Variants in FBXO10 observed in about 807,000 individuals in gnomAD.
FBXO10 encodes the protein F-box only protein 10.
A neutral mutation model predicts 80.7 loss-of-function variants in FBXO10; 39 were observed. The ratio of observed to expected loss-of-function variants is 0.48; its 90% confidence interval spans 0.37 to 0.63. FBXO10 has a LOEUF of 0.63. Ranked by LOEUF, FBXO10 falls within the 30% of genes least tolerant of loss-of-function variation. The pLI, the probability that FBXO10 is intolerant of heterozygous loss-of-function variation, is 0.00. For missense variants in FBXO10, 1,025 were observed against 1,269.0 expected, an observed-to-expected ratio of 0.81 and a Z score of 2.92; for synonymous variants, 449 against 489.6, an observed-to-expected ratio of 0.92 and a Z score of 1.09.
At chr9:37,534,823 ACT>A (rs2098003406) in intron 3 of FBXO10, among the ~76,000 whole-genome samples, 2 of 151,934 alleles carry the variant, frequency 1.3e-5, no homozygotes, top group Admixed American at 1.3e-4. Flanking sequence ...GCGGGAAAAC[ACT>A]CTTATCTCTG....
chr9:37,547,763 C>G (rs1822093381), intron 1 of FBXO10, among the ~76,000 whole-genome samples: 1 of 152,028 alleles, frequency 6.6e-6, no homozygotes, highest in Non-Finnish European at 1.5e-5. Flanking sequence ...CGAGATCAGC[C>G]TGGACAACAT....
At chr9:37,564,390 T>C (rs1822555742) in intron 1 of FBXO10, among the ~76,000 whole-genome samples, 1 of 152,304 alleles carries the variant, frequency 6.6e-6, no homozygotes, top group Admixed American at 6.5e-5. Flanking sequence ...ACGGGGGCAC[T>C]GCCCAGTGGA....
intron 1 of FBXO10, among the ~76,000 whole-genome samples, chr9:37,550,076 C>T (rs1822152384): frequency 6.6e-6 from 1 of 151,614 alleles, no homozygotes; most frequent in Admixed American, 6.6e-5. Flanking sequence ...TCTATTCATC[C>T]ACTATTTGGT....
intron 5 of FBXO10, 86 bp from the exon 6 acceptor site, chr9:37,525,258 C>A (rs1821440475): frequency 2.3e-6 from 3 of 1,284,640 alleles, no homozygotes; most frequent in African/African-American, 1.5e-5. Context: ...TCATGGAAAC[C>A]CTGTCTCTAC....
In FBXO10 at chr9:37,521,854, G is replaced by A. The variant is rs1192560021; in HGVS notation, c.1931-16C>T. 3 of 1,553,920 alleles carry A rather than the reference G, an allele frequency of 1.9e-6. No homozygotes were observed. The highest frequency in any genetic ancestry group is 1.2e-5 in the South Asian group (1 of 83,650). ...CCCTTGTTAGCTGGGACAGTGAGAG[G>A]AGCTGGTCACCGACACTGAACTCAG... On this transcript the variant is annotated splice_polypyrimidine_tract_variant and intron_variant, in intron 7 of 10. Transcript: ENST00000432825.
intron 1 of FBXO10, among the ~76,000 whole-genome samples, chr9:37,569,201 G>GAA: frequency 6.8e-6 from 1 of 148,076 alleles, no homozygotes; most frequent in East Asian, 2.0e-4. Flanking sequence ...GCAACTAATG[G>GAA]AAAAAAAATA....
At chr9:37,533,732 C>T (rs1311993788) in intron 3 of FBXO10, among the ~76,000 whole-genome samples, 5 of 151,584 alleles carry the variant, frequency 3.3e-5, no homozygotes, top group Non-Finnish European at 5.9e-5. Flanking sequence ...ATTAGCTGGG[C>T]GTGGTGGCTC....
At chr9:37,551,520 G>C (rs1415047626) in intron 1 of FBXO10, among the ~76,000 whole-genome samples, 3 of 152,244 alleles carry the variant, frequency 2.0e-5, no homozygotes, top group Non-Finnish European at 4.4e-5. Context: ...GACTGCTTGT[G>C]CCCTGGGTTC....
Position 37,529,120 on chromosome 9 carries a change from A to G in FBXO10, c.1706+4T>C, listed in dbSNP as rs1452109273. 1 of 1,613,858 alleles carries G rather than the reference A, an allele frequency of 6.2e-7. No individual in the cohort carries two copies. The highest frequency in any genetic ancestry group is 1.7e-5 in the Admixed American group (1 of 59,986). ...AGATGAAGGAGGGAAACAGCAGCACACACCTCACAACGGGGTTTCCGTGGT... is the reference window on the plus strand; with the variant it reads ...AGATGAAGGAGGGAAACAGCAGCACGCACCTCACAACGGGGTTTCCGTGGT... On this transcript the variant is annotated splice_donor_region_variant and intron_variant, in intron 5 of 10. Transcript: ENST00000432825.
At chr9:37,557,307 C>T (rs983472229) in intron 1 of FBXO10, among the ~76,000 whole-genome samples, 2 of 152,206 alleles carry the variant, frequency 1.3e-5, no homozygotes, top group African/African-American at 4.8e-5. Context: ...AACTTCATAT[C>T]CTTGCACTCT....
intron 1 of FBXO10, among the ~76,000 whole-genome samples, chr9:37,549,080 T>C (rs1343771964): frequency 6.6e-6 from 1 of 152,192 alleles, no homozygotes; most frequent in Non-Finnish European, 1.5e-5. Context: ...ATCTTGTCAA[T>C]TGTTGGCTTA....
At chr9:37,539,872 C>T (rs1249629294) in intron 2 of FBXO10, among the ~76,000 whole-genome samples, 1 of 152,182 alleles carries the variant, frequency 6.6e-6, no homozygotes, top group African/African-American at 2.4e-5. Context: ...ACATCTACTT[C>T]ACCTACACAA....
intron 1 of FBXO10, among the ~76,000 whole-genome samples, chr9:37,570,578 A>T (rs184239636): frequency 6.6e-6 from 1 of 152,342 alleles, no homozygotes; most frequent in East Asian, 1.9e-4. Context: ...CACTGATGAT[A>T]AGAGCAGGTT....
At chr9:37,573,799 T>A (rs58661877) in intron 1 of FBXO10, among the ~76,000 whole-genome samples, 3,334 of 152,298 alleles carry the variant, frequency 0.022, 139 homozygotes, top group African/African-American at 0.077. Context: ...GACAAAATCT[T>A]AATCAAATGT....
Position 37,531,831 on chromosome 9 carries a change from C to G in FBXO10, c.1569+78G>C, listed in dbSNP as rs1047992490. 3.9e-6 allele frequency: 6 copies of G among 1,539,932 alleles called. No individual in the cohort carries two copies. In the Admixed American group the frequency reaches 1.0e-4, roughly 26 times the overall value. ...CAGGAAGCACGTAAATACAAGAGGGCAACGTGTATTTAAATATCCTCACAA... is the reference window on the plus strand; with the variant it reads ...CAGGAAGCACGTAAATACAAGAGGGGAACGTGTATTTAAATATCCTCACAA... On this transcript the variant is annotated intron_variant, in intron 4 of 10. Transcript: ENST00000432825.
intron 1 of FBXO10, among the ~76,000 whole-genome samples, chr9:37,559,627 T>C (rs1362071005): frequency 6.6e-6 from 1 of 152,220 alleles, no homozygotes; most frequent in African/African-American, 2.4e-5. Context: ...ATCTGATCCC[T>C]CCTGAGGTCA....
intron 2 of FBXO10, among the ~76,000 whole-genome samples, 184 bp from the exon 3 acceptor site, chr9:37,538,127 G>A (rs1319165030): frequency 6.6e-6 from 1 of 152,128 alleles, no homozygotes; most frequent in Non-Finnish European, 1.5e-5. Flanking sequence ...GCATCAGAGA[G>A]GGAGGGAAAC....
chr9:37,514,696 T>G (rs1327077115), intron 10 of FBXO10, among the ~76,000 whole-genome samples: 1 of 150,194 alleles, frequency 6.7e-6, no homozygotes, highest in African/African-American at 2.5e-5. Context: ...CAGCCGGGAG[T>G]GGTGGTGGGC....
chr9:37,533,967 G>T (rs1409316452), intron 3 of FBXO10, among the ~76,000 whole-genome samples: 2 of 151,960 alleles, frequency 1.3e-5, no homozygotes, highest in Non-Finnish European at 1.5e-5. Context: ...GGTATTATAA[G>T]TAATCTAGAG....
Sources: allele counts gnomAD v4.1 joint callset (sites outside exome capture counted in the v4.1 genomes callset), GRCh38; gene constraint gnomAD v4.1.1; transcripts MANE v1.5; gene names NCBI Gene and HGNC (gene_info 2026-07-23, HGNC 2026-07-21).